The following PCDH11X variants were observed in gnomAD, a reference collection of about 807,000 sequenced individuals.
The protein encoded by PCDH11X is protocadherin-11 X-linked.
PCDH11X carries 18 observed loss-of-function variants against 53.3 expected under a neutral mutation model. The observed-to-expected ratio is 0.34, with a 90% CI of 0.23 to 0.50. PCDH11X has a LOEUF of 0.50. Ranked by LOEUF, PCDH11X falls within the 20% of genes least tolerant of loss-of-function variation. The pLI is 0.98. For synonymous variants in PCDH11X, 279 were observed against 393.3 expected, an observed-to-expected ratio of 0.71 and a Z score of 3.44; for missense variants, 570 against 1,032.4, an observed-to-expected ratio of 0.55 and a Z score of 6.14.
At chrX:92,455,688 C>A (rs4020638) in intron 9 of PCDH11X, among the ~76,000 whole-genome samples, 6,740 of 51,311 alleles carry the variant, frequency 0.13, 1,134 homozygotes, top group African/African-American at 0.41. Flanking sequence ...AATCACATGA[C>A]AAATTCTTAT....
At chrX:91,899,523 T>G (rs1225612007) in intron 6 of PCDH11X, among the ~76,000 whole-genome samples, 2 of 110,374 alleles carry the variant, frequency 1.8e-5, no homozygotes, top group Non-Finnish European at 3.8e-5. Flanking sequence ...ACACTCAATG[T>G]TAACCATTGT....
At chrX:92,337,369 A>G (rs887811698) in intron 8 of PCDH11X, among the ~76,000 whole-genome samples, 2 of 109,340 alleles carry the variant, frequency 1.8e-5, no homozygotes, top group African/African-American at 6.7e-5. Flanking sequence ...TGGTAAGTTA[A>G]TAGACCTCTG....
chrX:92,135,461 A>G (rs1426202318), intron 6 of PCDH11X, among the ~76,000 whole-genome samples: 7 of 110,652 alleles, frequency 6.3e-5, no homozygotes, highest in Non-Finnish European at 1.1e-4. Context: ...TTGTACAGTA[A>G]AAGATTCTAT....
At position 91,995,233 on chromosome X, in the gene PCDH11X, A is replaced by C. The variant is rs188386278; in HGVS notation, c.3033+115960A>C. ...GTCACGTTAAAAAAAAAAAAACAAA[A>C]AAACAAACAAAAAAAAAAACACTGC... On this transcript the variant is annotated intron_variant, in intron 6 of 10. Transcript: ENST00000682573. Among the ~76,000 whole-genome samples the C allele has an allele frequency of 6.4e-3, 690 of 107,787 alleles. 4 individuals are homozygous for C. Among genetic ancestry groups the C allele is most frequent in the African/African-American group, 0.022 (618 of 28,427 alleles). 93.6% of individuals were successfully genotyped at this position (107,787 alleles called of 115,157 possible). A position where few individuals can be genotyped will look rare whatever the true frequency, so the allele number is the denominator to read the frequency against.
At position 92,553,938 on chromosome X, in the gene PCDH11X, G is replaced by A. The variant is rs1344112343; in HGVS notation, c.3368-64326G>A. ...CAGGAGTAAAAGCTTGGTAAATTCA[G>A]CATCTCATTCTCCATTATGGGAAAA... On this transcript the variant is annotated intron_variant, in intron 10 of 10. Coordinates refer to ENST00000682573, the MANE Select transcript of PCDH11X (RefSeq NM_032968.5). 2.7e-5 allele frequency among the ~76,000 whole-genome samples: 3 copies of A among 111,132 alleles called. No homozygotes were observed. The Admixed American group carries it at 2.9e-4, about 11-fold the overall frequency.
intron 9 of PCDH11X, among the ~76,000 whole-genome samples, chrX:92,456,677 A>G (rs1021080340): frequency 5.4e-5 from 6 of 111,538 alleles, no homozygotes; most frequent in Non-Finnish European, 1.1e-4. Context: ...AATCTGTCAG[A>G]CTGATAAAAT....
intron 8 of PCDH11X, 45 bp from the exon 9 acceptor site, chrX:92,387,690 T>C: frequency 2.5e-6 from 3 of 1,212,032 alleles, no homozygotes; most frequent in Non-Finnish European, 3.4e-6. Context: ...TAAGCAATTA[T>C]TCAGATCATA....
At chrX:92,170,862 G>T (rs2065813364) in intron 6 of PCDH11X, among the ~76,000 whole-genome samples, 1 of 92,910 alleles carries the variant, frequency 1.1e-5, no homozygotes, top group Admixed American at 1.2e-4. Flanking sequence ...TGCAATCTCG[G>T]CTCATTGCAA....
intron 6 of PCDH11X, among the ~76,000 whole-genome samples, chrX:92,132,770 G>T (rs2065018979): frequency 9.7e-6 from 1 of 103,506 alleles, no homozygotes; most frequent in African/African-American, 3.5e-5. Context: ...CTGCGTTATT[G>T]AGACCTGGCC....
chrX:92,024,030 T>G, intron 6 of PCDH11X, among the ~76,000 whole-genome samples: 1 of 105,800 alleles, frequency 9.5e-6, no homozygotes, highest in Middle Eastern at 4.9e-3. Flanking sequence ...TAATAAGAGC[T>G]ATTTATGACA....
intron 6 of PCDH11X, among the ~76,000 whole-genome samples, chrX:92,033,094 A>C (rs1175047626): frequency 2.7e-5 from 3 of 109,132 alleles, no homozygotes; most frequent in Non-Finnish European, 5.7e-5. Flanking sequence ...GGCATAAGTC[A>C]CTGGGCCCAG....
rs142571893 is a variant in PCDH11X at position 92,502,701 on chromosome X, T to C, written c.3367+34379T>C. 4.7e-3 allele frequency among the ~76,000 whole-genome samples: 516 copies of C among 110,442 alleles called. 7 individuals carry two copies. The South Asian group carries it at 0.06, about 13-fold the overall frequency. On this transcript the variant is annotated intron_variant, in intron 10 of 10. Transcript: ENST00000682573. ...ATAACTGGACTCCTTCCTTACAACA[T>C]ATATAAAAGTTAAGATGGATTAGAG...
chrX:92,109,566 G>A (rs1043683075), intron 6 of PCDH11X, among the ~76,000 whole-genome samples: 2 of 111,211 alleles, frequency 1.8e-5, no homozygotes, highest in African/African-American at 3.3e-5. Context: ...TGCAGGGTTT[G>A]CAAAATATCT....
chrX:92,533,476 GA>G (rs1297461738), intron 10 of PCDH11X, among the ~76,000 whole-genome samples: 10 of 98,016 alleles, frequency 1.0e-4, no homozygotes, highest in African/African-American at 4.0e-4. Context: ...TCTAGGTGGA[GA>G]AAACAGCTTG....
At chrX:92,428,324 T>C (rs769110857) in intron 9 of PCDH11X, among the ~76,000 whole-genome samples, 30 of 111,715 alleles carry the variant, frequency 2.7e-4, no homozygotes, top group Non-Finnish European at 3.8e-4. Flanking sequence ...TGTTATTCTC[T>C]CTTCCGTCCC....
intron 8 of PCDH11X, among the ~76,000 whole-genome samples, chrX:92,334,948 G>A (rs2069583189): frequency 9.1e-6 from 1 of 109,826 alleles, no homozygotes; most frequent in South Asian, 4.0e-4. Context: ...CGTTTTGGGG[G>A]AGTCAAAAGT....
chrX:92,086,599 G>T (rs1336511916), intron 6 of PCDH11X, among the ~76,000 whole-genome samples: 3 of 111,680 alleles, frequency 2.7e-5, no homozygotes, highest in South Asian at 7.5e-4. Flanking sequence ...GCTAAATAAA[G>T]AATAGATATA....
At chrX:91,886,897 G>C (rs1465037707) in intron 6 of PCDH11X, among the ~76,000 whole-genome samples, 3 of 105,096 alleles carry the variant, frequency 2.9e-5, no homozygotes, top group Middle Eastern at 9.7e-3. Context: ...CATGAACCCG[G>C]GAGGCGGAGC....
At chrX:92,491,147 A>C (rs761447333) in intron 10 of PCDH11X, among the ~76,000 whole-genome samples, 8 of 111,031 alleles carry the variant, frequency 7.2e-5, no homozygotes, top group Non-Finnish European at 1.5e-4. Context: ...CATTTAAAAA[A>C]TATGGCTTAA....
Sources: gnomAD v4.1 joint callset for allele counts (sites outside exome capture counted in the v4.1 genomes callset) on GRCh38, gnomAD v4.1.1 for gene constraint, MANE v1.5 for transcripts, NCBI Gene and HGNC (gene_info 2026-07-23, HGNC 2026-07-21) for gene names.